The following CNGB3 variants were observed in gnomAD, a reference collection of about 807,000 sequenced individuals.
CNGB3 encodes cyclic nucleotide gated channel subunit beta 3.
A neutral mutation model predicts 92.8 loss-of-function variants in CNGB3; 86 were observed. The observed-to-expected ratio is 0.93, with a 90% CI of 0.78 to 1.11. The LOEUF is 1.11. Among genes scored for constraint, CNGB3 ranks in the 50% least tolerant of loss-of-function variants. The pLI, the probability that CNGB3 is intolerant of heterozygous loss-of-function variation, is 0.00. For synonymous variants in CNGB3, 333 were observed against 332.7 expected (o/e 1.00, Z -0.01); for missense variants, 1,026 against 956.8 (o/e 1.07, Z -0.95).
intron 3 of CNGB3, among the ~76,000 whole-genome samples, chr8:86,708,923 A>C (rs1195705678): frequency 6.6e-6 from 1 of 152,138 alleles, no homozygotes; most frequent in Non-Finnish European, 1.5e-5. Flanking sequence ...GAAGCAGAAA[A>C]AGTGAATATA....
chr8:86,733,546 TA>T (rs1825195042), intron 2 of CNGB3, among the ~76,000 whole-genome samples: 1 of 152,256 alleles, frequency 6.6e-6, no homozygotes, highest in Non-Finnish European at 1.5e-5. Context: ...AAAAGTTATA[TA>T]CATTTTGTAG....
intron 13 of CNGB3, among the ~76,000 whole-genome samples, chr8:86,614,956 C>T (rs1585970627): frequency 6.6e-6 from 1 of 152,234 alleles, no homozygotes; most frequent in East Asian, 1.9e-4. Flanking sequence ...CCATGGATTC[C>T]ACCTCCACGG....
At chr8:86,638,870 A>G (rs536762036) in intron 10 of CNGB3, among the ~76,000 whole-genome samples, 1 of 147,480 alleles carries the variant, frequency 6.8e-6, no homozygotes, top group East Asian at 2.0e-4. Context: ...TGTTTTTGTT[A>G]TATTCCAAGG....
intron 3 of CNGB3, among the ~76,000 whole-genome samples, chr8:86,716,859 A>T (rs755267965): frequency 5.3e-5 from 8 of 152,180 alleles, no homozygotes; most frequent in Non-Finnish European, 8.8e-5. Flanking sequence ...ATGGCATAGT[A>T]CCTCACATCT....
intron 15 of CNGB3, among the ~76,000 whole-genome samples, chr8:86,598,011 T>TAAAATA (rs1822210844): frequency 6.9e-6 from 1 of 144,480 alleles, no homozygotes; most frequent in African/African-American, 2.8e-5. Flanking sequence ...AAAATAAAAT[T>TAAAATA]AAAATAAAAT....
chr8:86,604,238 G>T, intron 14 of CNGB3, 27 bp from the exon 15 acceptor site: 1 of 1,372,518 alleles, frequency 7.3e-7, no homozygotes, highest in South Asian at 1.2e-5. Context: ...AAGAGGAAAT[G>T]GTAGTTACTT....
intron 15 of CNGB3, among the ~76,000 whole-genome samples, chr8:86,583,527 G>C (rs750152393): frequency 1.3e-5 from 2 of 152,166 alleles, no homozygotes; most frequent in Non-Finnish European, 2.9e-5. Flanking sequence ...AAGGAAAAAA[G>C]TGGGAGGAAA....
At chr8:86,627,905 C>T (rs1055977966) in intron 12 of CNGB3, among the ~76,000 whole-genome samples, 1 of 152,158 alleles carries the variant, frequency 6.6e-6, no homozygotes, top group South Asian at 2.1e-4. Context: ...AAACCAACTC[C>T]TTTTTCTCCT....
chr8:86,694,632 C>G (rs561222231), intron 3 of CNGB3, among the ~76,000 whole-genome samples: 2 of 151,394 alleles, frequency 1.3e-5, no homozygotes, highest in African/African-American at 4.9e-5. Flanking sequence ...GGGTCGCGGC[C>G]GGGCAGAGGC....
rs1240996432 is a variant in CNGB3, at chr8:86,694,103, G to A, written c.339-23005C>T. On this transcript the variant is annotated intron_variant, in intron 3 of 17. Transcript: ENST00000320005. ...TGACCCCCCCACCTCCCTCCCAGAC[G>A]GGGCGGCTGGCCGGGCGGGGGGCTG... 1.1e-3 allele frequency among the ~76,000 whole-genome samples: 115 copies of A among 106,144 alleles called. 1 individual carries two copies. Among genetic ancestry groups the A allele is most frequent in the African/African-American group, 4.1e-3 (110 of 26,894 alleles). 69.6% of individuals were successfully genotyped at this position (106,144 alleles called of 152,430 possible).
At chr8:86,675,870 C>G (rs1415899990) in intron 3 of CNGB3, among the ~76,000 whole-genome samples, 1 of 152,066 alleles carries the variant, frequency 6.6e-6, no homozygotes, top group Non-Finnish European at 1.5e-5. Flanking sequence ...CAGTCAGAGG[C>G]ACAGGCCAAC....
intron 7 of CNGB3, among the ~76,000 whole-genome samples, chr8:86,651,181 C>CA (rs570852944): frequency 6.6e-6 from 1 of 150,828 alleles, no homozygotes; most frequent in African/African-American, 2.4e-5. Context: ...TGGGGTGGGA[C>CA]AAAAAAACTG....
At chr8:86,630,232 A>C (rs1189410691) in intron 11 of CNGB3, among the ~76,000 whole-genome samples, 1 of 152,024 alleles carries the variant, frequency 6.6e-6, no homozygotes, top group Non-Finnish European at 1.5e-5. Context: ...TCACTTTTCC[A>C]TGCTGTTCTT....
At chr8:86,700,050 T>C (rs901175292) in intron 3 of CNGB3, among the ~76,000 whole-genome samples, 14 of 152,184 alleles carry the variant, frequency 9.2e-5, no homozygotes, top group African/African-American at 3.1e-4. Flanking sequence ...GTTTGAGTAA[T>C]ACAAAGATGC....
At chr8:86,739,879 A>G in intron 1 of CNGB3, 143 bp from the exon 2 acceptor site, 1 of 1,035,864 alleles carries the variant, frequency 9.7e-7, no homozygotes, top group Non-Finnish European at 1.4e-6. Context: ...TGATTCTTGC[A>G]TTTAAAATGG....
chr8:86,594,179 C>T, intron 15 of CNGB3: 1 of 277,338 alleles, frequency 3.6e-6, no homozygotes, highest in Non-Finnish European at 7.2e-6. Flanking sequence ...AACGATCACC[C>T]ACTGGGGCTC....
At chr8:86,738,916 A>G (rs1825292413) in intron 2 of CNGB3, among the ~76,000 whole-genome samples, 1 of 151,672 alleles carries the variant, frequency 6.6e-6, no homozygotes. Context: ...ACTTTACAGG[A>G]CATCCTGGTT....
intron 13 of CNGB3, among the ~76,000 whole-genome samples, chr8:86,620,854 G>A (rs557681363): frequency 6.6e-6 from 1 of 151,752 alleles, no homozygotes; most frequent in South Asian, 2.1e-4. Flanking sequence ...AATAAATTTA[G>A]AAAGATTCCA....
chr8:86,741,097 A>T (rs7003307), intron 1 of CNGB3, among the ~76,000 whole-genome samples: 2 of 151,940 alleles, frequency 1.3e-5, no homozygotes, highest in Non-Finnish European at 2.9e-5. Flanking sequence ...TGTGTAAATG[A>T]GCTCTTTAAA....
Sources: gnomAD v4.1 joint callset for allele counts (sites outside exome capture counted in the v4.1 genomes callset) on GRCh38, gnomAD v4.1.1 for gene constraint, MANE v1.5 for transcripts, NCBI Gene and HGNC (gene_info 2026-07-23, HGNC 2026-07-21) for gene names.